Variants in ANKUB1 observed in about 807,000 individuals in gnomAD.
ANKUB1 encodes protein ANKUB1.
ANKUB1 carries 42 observed loss-of-function variants against 49.3 expected under a neutral mutation model. The ratio of observed to expected loss-of-function variants is 0.85; its 90% CI spans 0.67 to 1.10. The LOEUF (loss-of-function observed/expected upper bound fraction) is 1.10, where lower values mean the gene tolerates loss of function less well. Ranked by LOEUF, ANKUB1 falls within the 50% of genes least tolerant of loss-of-function variation. ANKUB1 has a pLI of 0.00. For missense variants in ANKUB1, 613 were observed against 642.0 expected (o/e 0.95, Z 0.49); for synonymous variants, 222 against 231.0 (o/e 0.96, Z 0.35).
intron 2 of ANKUB1, chr3:149,783,507 C>T (rs546496670): frequency 6.6e-6 from 1 of 152,218 alleles, no homozygotes; most frequent in Admixed American, 6.5e-5. Flanking sequence ...TGCTTACCTT[C>T]AAAAAACAAA....
At chr3:149,767,085 A>G in intron 5 of ANKUB1, 72 bp downstream of exon 5, 1 of 1,362,544 alleles carries the variant, frequency 7.3e-7, no homozygotes, top group South Asian at 1.5e-5. Context: ...GTAGGGCATT[A>G]TGGACCATTC....
At chr3:149,784,160 A>G (rs1224094586) in intron 2 of ANKUB1, among the ~76,000 whole-genome samples, 1 of 152,234 alleles carries the variant, frequency 6.6e-6, no homozygotes, top group African/African-American at 2.4e-5. Context: ...ATCTCTCAGC[A>G]TAAAACAACT....
At chr3:149,765,568 A>ACC (rs1193039234) in intron 5 of ANKUB1, among the ~76,000 whole-genome samples, 1 of 151,836 alleles carries the variant, frequency 6.6e-6, no homozygotes, top group African/African-American at 2.4e-5. Context: ...ACACACACAC[A>ACC]CCTTAAAAAC....
Position 149,767,279 on chromosome 3 carries a change from A to G in ANKUB1, c.1383T>C (p.His461=), listed in dbSNP as rs1055382478. ...TGGGTGTTGCATAGAAAAACGATGG[A>G]TGTGAATATCCCACTCTTGAAACTG... is the stretch of plus-strand genomic sequence containing the variant. ...LPPVSRVGYS[H]PSFFYATPSA... Residue 461 remains histidine, a synonymous_variant, in exon 5 of 6, where the codon CAT becomes CAC. Coordinates refer to ENST00000446160, the MANE Select transcript of ANKUB1 (RefSeq NM_001144960.3). The G allele has an allele frequency of 6.4e-6, 10 of 1,551,496 alleles. No individual in the cohort carries two copies. The highest frequency in any genetic ancestry group is 3.9e-5 in the Admixed American group (2 of 50,980).
chr3:149,781,380 T>C (rs895952205), intron 2 of ANKUB1, among the ~76,000 whole-genome samples: 1 of 152,190 alleles, frequency 6.6e-6, no homozygotes, highest in Non-Finnish European at 1.5e-5. Flanking sequence ...ATTTCCACTT[T>C]TCTCATGAAA....
At chr3:149,767,134 T>C in intron 5 of ANKUB1, 23 bp downstream of exon 5, 1 of 1,480,842 alleles carries the variant, frequency 6.8e-7, no homozygotes, top group South Asian at 1.4e-5. Context: ...TTGCTGTTTG[T>C]ATGTTTAAGG....
At chr3:149,763,241 T>G (rs1274218544) in intron 5 of ANKUB1, among the ~76,000 whole-genome samples, 1 of 152,212 alleles carries the variant, frequency 6.6e-6, no homozygotes, top group Admixed American at 6.5e-5. Flanking sequence ...AGCCTTTCCC[T>G]GTATCCCACC....
chr3:149,762,101 A>G (rs1437088774), intron 5 of ANKUB1, among the ~76,000 whole-genome samples: 1 of 152,192 alleles, frequency 6.6e-6, no homozygotes, highest in Non-Finnish European at 1.5e-5. Context: ...TTTGAATACG[A>G]TTACTCTTTG....
Position 149,790,906 on chromosome 3 carries a change from G to A in ANKUB1, c.109C>T (p.Leu37Phe), listed in dbSNP as rs1336096119. ...LMIKDYFHIP[L>F]SEDKQGRRYL... ...CGCCTGCCTTGTTTGTCTTCAGAGA[G>A]AGGAATGTGGAAATAATCCTTAAAA... Residue 37 changes from leucine (L) to phenylalanine (F), a missense_variant, in exon 2 of 6, where the codon CTC (leucine) becomes TTC (phenylalanine). Physicochemically the swap from Leu to Phe is conservative, Grantham distance 22 (BLOSUM62 0). Transcript: ENST00000446160. 10 of 1,551,572 alleles carry A rather than the reference G, an allele frequency of 6.4e-6. No homozygotes were observed. Among genetic ancestry groups the A allele is most frequent in the Non-Finnish European group, 5.2e-6 (6 of 1,146,958 alleles).
chr3:149,779,782 T>G (rs1717771109), intron 3 of ANKUB1: 1 of 164,430 alleles, frequency 6.1e-6, no homozygotes, highest in Admixed American at 5.7e-5. Flanking sequence ...CCTGAGGATA[T>G]TAATGAATCT....
At position 149,790,940 on chromosome 3, in the gene ANKUB1, C is replaced by T. The variant is rs199617636; in HGVS notation, c.91-16G>A. On this transcript the variant is annotated splice_polypyrimidine_tract_variant and intron_variant, in intron 1 of 5. Coordinates refer to ENST00000446160, the MANE Select transcript of ANKUB1 (RefSeq NM_001144960.3). ...GGAAATAATCCTTAAAAATCAATAG[C>T]ATATTATGAAAACAGTACATCCTTA... 6.5e-7 allele frequency: 1 copy of T among 1,549,116 alleles called. No homozygotes were observed. The highest frequency in any genetic ancestry group is 1.2e-5 in the South Asian group (1 of 83,554).
chr3:149,791,638 A>G (rs1454181162), intron 1 of ANKUB1, among the ~76,000 whole-genome samples: 7 of 152,182 alleles, frequency 4.6e-5, no homozygotes, highest in Non-Finnish European at 1.0e-4. Flanking sequence ...AATAGGAATG[A>G]CCATCTCCAA....
chr3:149,777,281 G>A (rs1717639431), intron 3 of ANKUB1, among the ~76,000 whole-genome samples: 1 of 152,144 alleles, frequency 6.6e-6, no homozygotes, highest in Non-Finnish European at 1.5e-5. Flanking sequence ...AGACCATCCT[G>A]GCCAACAGGG....
At chr3:149,790,013 G>A (rs1434374928) in intron 2 of ANKUB1, among the ~76,000 whole-genome samples, 1 of 152,082 alleles carries the variant, frequency 6.6e-6, no homozygotes, top group African/African-American at 2.4e-5. Context: ...GAAACTTGGG[G>A]CACCATTTAG....
At chr3:149,768,553 C>G (rs1717173377) in intron 4 of ANKUB1, among the ~76,000 whole-genome samples, 1 of 150,942 alleles carries the variant, frequency 6.6e-6, no homozygotes, top group Admixed American at 6.6e-5. Context: ...CCTCCATCCC[C>G]CCTCCCCAGA....
At position 149,790,646 on chromosome 3, in the gene ANKUB1, A is replaced by G. The variant is rs139961847; in HGVS notation, c.234+135T>C. On this transcript the variant is annotated intron_variant, in intron 2 of 5. Transcript: ENST00000446160. ...GCACAAAGCATGCGTAAGACCTGTTATACAAATGGAAGTGAGGAGAAGGCA... is the reference window on the plus strand; with the variant it reads ...GCACAAAGCATGCGTAAGACCTGTTGTACAAATGGAAGTGAGGAGAAGGCA... The G allele has an allele frequency of 3.2e-5, 27 of 855,984 alleles. No homozygotes were observed. In the East Asian group the frequency reaches 7.0e-4, roughly 22 times the overall value. The allele number at this position is 855,984 out of a possible 1,614,324, so 53.0% of individuals were successfully genotyped here.
chr3:149,791,155 G>A (rs892816944), intron 1 of ANKUB1, among the ~76,000 whole-genome samples: 2 of 152,162 alleles, frequency 1.3e-5, no homozygotes, highest in African/African-American at 2.4e-5. Flanking sequence ...ATGAAATTGA[G>A]ATTTTCTTTC....
At chr3:149,764,987 G>A (rs766879240) in intron 5 of ANKUB1, among the ~76,000 whole-genome samples, 4 of 152,078 alleles carry the variant, frequency 2.6e-5, no homozygotes, top group Non-Finnish European at 2.9e-5. Context: ...AGAAGTGAAC[G>A]CAGATGTCCA....
At chr3:149,777,529 AT>A (rs1464195405) in intron 3 of ANKUB1, among the ~76,000 whole-genome samples, 1 of 152,186 alleles carries the variant, frequency 6.6e-6, no homozygotes, top group African/African-American at 2.4e-5. Flanking sequence ...CAGAAGGTGC[AT>A]GGCTCTAGCT....
Sources: allele counts gnomAD v4.1 joint callset (sites outside exome capture counted in the v4.1 genomes callset), GRCh38; gene constraint gnomAD v4.1.1; transcripts MANE v1.5; gene names NCBI Gene and HGNC (gene_info 2026-07-23, HGNC 2026-07-21).